COBL: variants seen among roughly 807,000 people sequenced by gnomAD.
COBL encodes the protein protein cordon-bleu.
COBL carries 51 observed loss-of-function variants against 98.8 expected under a neutral mutation model. The ratio of observed to expected loss-of-function variants is 0.52; its 90% confidence interval spans 0.41 to 0.65. The LOEUF (loss-of-function observed/expected upper bound fraction) is 0.65. COBL is among the 30% of genes least tolerant of loss of function. The pLI is 0.00. For missense variants in COBL, 1,617 were observed against 1,617.5 expected, an observed-to-expected ratio of 1.00 and a Z score of 0.01; for synonymous variants, 634 against 651.7, an observed-to-expected ratio of 0.97 and a Z score of 0.41.
intron 2 of COBL, among the ~76,000 whole-genome samples, chr7:51,199,691 C>A (rs1790933695): frequency 6.6e-6 from 1 of 151,438 alleles, no homozygotes. Context: ...ACTGAAAAAC[C>A]CAATAGACAG....
intron 1 of COBL, among the ~76,000 whole-genome samples, chr7:51,221,306 G>C (rs10253894): frequency 3.2e-4 from 48 of 152,212 alleles, no homozygotes; most frequent in African/African-American, 1.2e-3. Context: ...AGAGACACAG[G>C]AATTCCTTTC....
At chr7:51,066,095 C>G (rs903561831) in intron 7 of COBL, among the ~76,000 whole-genome samples, 1 of 152,208 alleles carries the variant, frequency 6.6e-6, no homozygotes, top group Non-Finnish European at 1.5e-5. Context: ...CACTGTGTTG[C>G]TGCGCACTGT....
intron 7 of COBL, among the ~76,000 whole-genome samples, chr7:51,055,199 G>T (rs1291630517): frequency 6.6e-6 from 1 of 152,184 alleles, no homozygotes; most frequent in Non-Finnish European, 1.5e-5. Context: ...CCATGAGGTT[G>T]GTGTCTCCAG....
chr7:51,217,343 T>A (rs1793157990), intron 2 of COBL, among the ~76,000 whole-genome samples: 1 of 147,484 alleles, frequency 6.8e-6, no homozygotes, highest in South Asian at 2.1e-4. Flanking sequence ...TCTTTTTCTT[T>A]TTTTTTTTTT....
chr7:51,023,807 C>G (rs1787182708), intron 12 of COBL, among the ~76,000 whole-genome samples: 1 of 152,204 alleles, frequency 6.6e-6, no homozygotes, highest in African/African-American at 2.4e-5. Context: ...TACCTGCTCT[C>G]TACGGAGCAC....
At chr7:51,126,305 G>C (rs747057198) in intron 6 of COBL, among the ~76,000 whole-genome samples, 42 of 152,138 alleles carry the variant, frequency 2.8e-4, no homozygotes, top group Non-Finnish European at 3.4e-4. Context: ...TCCAGCCTGG[G>C]CAACAGAGCG....
intron 7 of COBL, chr7:51,071,927 CT>C (rs1236046553): frequency 6.7e-6 from 1 of 149,078 alleles, no homozygotes; most frequent in Non-Finnish European, 1.5e-5. Flanking sequence ...AAAAAAGGCC[CT>C]TTCTAACTTG....
At chr7:51,225,847 G>A (rs1794125222) in intron 1 of COBL, among the ~76,000 whole-genome samples, 1 of 152,164 alleles carries the variant, frequency 6.6e-6, no homozygotes, top group East Asian at 1.9e-4. Context: ...AGGTGACATG[G>A]TGCAGTGAAT....
intron 3 of COBL, among the ~76,000 whole-genome samples, chr7:51,191,940 A>G (rs1790155553): frequency 6.6e-6 from 1 of 152,220 alleles, no homozygotes; most frequent in Non-Finnish European, 1.5e-5. Context: ...TGGCTGGGAT[A>G]ACAATGCATT....
intron 7 of COBL, among the ~76,000 whole-genome samples, chr7:51,063,019 C>T (rs1791539772): frequency 6.6e-6 from 1 of 152,200 alleles, no homozygotes; most frequent in Non-Finnish European, 1.5e-5. Flanking sequence ...GGCACACCTT[C>T]AGCACTCTGT....
At chr7:51,070,158 C>T (rs1792377002) in intron 7 of COBL, among the ~76,000 whole-genome samples, 1 of 152,024 alleles carries the variant, frequency 6.6e-6, no homozygotes, top group African/African-American at 2.4e-5. Context: ...GGGAGTTATT[C>T]GGCAAAAGGG....
intron 5 of COBL, among the ~76,000 whole-genome samples, chr7:51,170,469 A>G (rs1787741023): frequency 6.7e-6 from 1 of 148,574 alleles, no homozygotes; most frequent in Non-Finnish European, 1.5e-5. Flanking sequence ...AGAAAACTTT[A>G]TAATTAACTT....
chr7:51,198,875 A>C (rs1790841918), intron 2 of COBL, among the ~76,000 whole-genome samples: 1 of 152,190 alleles, frequency 6.6e-6, no homozygotes, highest in South Asian at 2.1e-4. Context: ...TCCAGATAGG[A>C]GGTTGTGAAA....
intron 12 of COBL, among the ~76,000 whole-genome samples, chr7:51,022,122 T>C (rs1051724200): frequency 1.3e-5 from 2 of 152,098 alleles, no homozygotes; most frequent in African/African-American, 4.8e-5. Flanking sequence ...GTAGTGATAA[T>C]GAGACTGAGG....
intron 1 of COBL, among the ~76,000 whole-genome samples, chr7:51,297,784 A>C (rs1208014096): frequency 6.6e-6 from 1 of 152,178 alleles, no homozygotes; most frequent in Non-Finnish European, 1.5e-5. Context: ...ACCATCAGAA[A>C]GGTTTGTATC....
At chr7:51,057,641 C>A (rs1014587749) in intron 7 of COBL, among the ~76,000 whole-genome samples, 3 of 152,178 alleles carry the variant, frequency 2.0e-5, no homozygotes, top group Non-Finnish European at 2.9e-5. Context: ...ACAGACTACA[C>A]AGCCAGCAAA....
At chr7:51,052,865 T>G (rs1454864137) in intron 7 of COBL, among the ~76,000 whole-genome samples, 2 of 152,200 alleles carry the variant, frequency 1.3e-5, no homozygotes, top group South Asian at 4.1e-4. Context: ...TACTTTTACT[T>G]AGCTTTCCAT....
chr7:51,117,843 G>A (rs1797415178), intron 6 of COBL, among the ~76,000 whole-genome samples: 1 of 152,288 alleles, frequency 6.6e-6, no homozygotes. Flanking sequence ...TCAGGAGACT[G>A]TAAATTACTT....
intron 1 of COBL, among the ~76,000 whole-genome samples, chr7:51,248,238 C>T (rs561028388): frequency 1.1e-4 from 16 of 152,252 alleles, no homozygotes; most frequent in Middle Eastern, 3.4e-3. Context: ...GGTTATGAAA[C>T]GATTCATATC....
Sources: gnomAD v4.1 joint callset for allele counts (sites outside exome capture counted in the v4.1 genomes callset) on GRCh38, gnomAD v4.1.1 for gene constraint, MANE v1.5 for transcripts, NCBI Gene and HGNC (gene_info 2026-07-23, HGNC 2026-07-21) for gene names.